The following MLLT10 variants were observed in gnomAD, a reference collection of about 807,000 sequenced individuals.
MLLT10 encodes the protein MLLT10 histone lysine methyltransferase DOT1L cofactor.
A neutral mutation model predicts 129.1 loss-of-function variants in MLLT10; 30 were observed. The observed-to-expected ratio is 0.23, with a 90% CI of 0.17 to 0.32. The LOEUF (loss-of-function observed/expected upper bound fraction) is 0.32. Among genes scored for constraint, MLLT10 ranks in the 10% least tolerant of loss-of-function variants. The pLI is 1.00. For synonymous variants in MLLT10, 490 were observed against 446.4 expected (o/e 1.10, Z -1.23); for missense variants, 1,119 against 1,268.3 (o/e 0.88, Z 1.79).
chr10:21,569,524 G>A (rs1289360063), intron 3 of MLLT10, among the ~76,000 whole-genome samples: 1 of 149,870 alleles, frequency 6.7e-6, no homozygotes, highest in East Asian at 2.0e-4. Flanking sequence ...GGGTTCAAGC[G>A]ATTCTCCTGC....
At chr10:21,612,655 T>C (rs897909254) in intron 6 of MLLT10, among the ~76,000 whole-genome samples, 16 of 152,236 alleles carry the variant, frequency 1.1e-4, no homozygotes, top group African/African-American at 3.6e-4. Context: ...AAGTGGACTC[T>C]GGTTCTGATG....
chr10:21,608,580 C>T (rs2131179946), intron 5 of MLLT10, among the ~76,000 whole-genome samples: 1 of 152,020 alleles, frequency 6.6e-6, no homozygotes, highest in South Asian at 2.1e-4. Context: ...TGGAAGTTTT[C>T]AGCACTAGAT....
At chr10:21,679,771 A>G (rs2052551402) in intron 11 of MLLT10, among the ~76,000 whole-genome samples, 2 of 152,192 alleles carry the variant, frequency 1.3e-5, no homozygotes, top group Admixed American at 6.5e-5. Flanking sequence ...TACTTGCATT[A>G]TATATACTTA....
At chr10:21,542,530 A>G (rs1009305208) in intron 3 of MLLT10, among the ~76,000 whole-genome samples, 1 of 152,234 alleles carries the variant, frequency 6.6e-6, no homozygotes, top group Non-Finnish European at 1.5e-5. Flanking sequence ...AGATCGTGCC[A>G]TTGCACTCCA....
At chr10:21,717,519 ACCT>A (rs1180960349) in intron 14 of MLLT10, among the ~76,000 whole-genome samples, 1,358 of 75,264 alleles carry the variant, frequency 0.018, 23 homozygotes, top group African/African-American at 0.055. Context: ...CTCCTCCACC[ACCT>A]CCTCCTCCTC....
At chr10:21,687,093 T>A (rs367741345) in intron 13 of MLLT10, among the ~76,000 whole-genome samples, 1 of 152,186 alleles carries the variant, frequency 6.6e-6, no homozygotes. Flanking sequence ...AAATTCCCTT[T>A]AATTATGATG....
At chr10:21,599,369 T>G (rs2043305342) in intron 5 of MLLT10, among the ~76,000 whole-genome samples, 1 of 151,992 alleles carries the variant, frequency 6.6e-6, no homozygotes, top group African/African-American at 2.4e-5. Context: ...AGCTGTGAGG[T>G]CACAATACTT....
chr10:21,558,500 C>G (rs2038362169), intron 3 of MLLT10, among the ~76,000 whole-genome samples: 1 of 151,390 alleles, frequency 6.6e-6, no homozygotes, highest in African/African-American at 2.4e-5. Context: ...GCTTTGGAGT[C>G]AGATGAACTA....
chr10:21,587,567 A>G (rs374938634), intron 4 of MLLT10, among the ~76,000 whole-genome samples: 1 of 151,746 alleles, frequency 6.6e-6, no homozygotes, highest in Non-Finnish European at 1.5e-5. Flanking sequence ...GCTCAGTACT[A>G]TTCTGAAATG....
At chr10:21,622,153 CTTTTTTTTTTTTT>C (rs71393915) in intron 8 of MLLT10, among the ~76,000 whole-genome samples, 1 of 99,816 alleles carries the variant, frequency 1.0e-5, no homozygotes, top group Non-Finnish European at 1.9e-5. Flanking sequence ...TTTGTTTTTC[CTTTTTTTTTTTTT>C]TTTTTTTTTG....
chr10:21,665,674 T>C (rs779675152), intron 9 of MLLT10, among the ~76,000 whole-genome samples: 5 of 152,172 alleles, frequency 3.3e-5, no homozygotes, highest in Non-Finnish European at 7.3e-5. Flanking sequence ...TTGGGGTGTT[T>C]AGAGAATTTA....
intron 8 of MLLT10, among the ~76,000 whole-genome samples, chr10:21,636,767 T>C (rs1372248544): frequency 6.6e-6 from 1 of 152,088 alleles, no homozygotes; most frequent in Non-Finnish European, 1.5e-5. Flanking sequence ...AGCTTTTTTT[T>C]TTAAACCCTG....
chr10:21,692,424 C>T (rs2053956849), intron 13 of MLLT10, among the ~76,000 whole-genome samples: 1 of 152,072 alleles, frequency 6.6e-6, no homozygotes, highest in South Asian at 2.1e-4. Flanking sequence ...CCCGCCTCAG[C>T]TTCCCAAATT....
intron 15 of MLLT10, 60 bp downstream of exon 15, chr10:21,726,415 C>A: frequency 1.7e-6 from 2 of 1,210,058 alleles, no homozygotes; most frequent in South Asian, 1.4e-5. Flanking sequence ...AATTTTTTTC[C>A]CCTTTTGGTT....
At chr10:21,620,487 G>A (rs73592593) in intron 8 of MLLT10, among the ~76,000 whole-genome samples, 1,881 of 152,186 alleles carry the variant, frequency 0.012, 38 homozygotes, top group African/African-American at 0.043. Context: ...ATTGTAAGTT[G>A]AAAGCACATT....
intron 8 of MLLT10, among the ~76,000 whole-genome samples, chr10:21,646,277 T>TAG (rs2048465116): frequency 6.6e-6 from 1 of 152,180 alleles, no homozygotes; most frequent in Non-Finnish European, 1.5e-5. Context: ...GGAAAGCAGT[T>TAG]CATTCTGGAA....
At chr10:21,534,907 C>T (rs984688347) in intron 2 of MLLT10, 103 bp downstream of exon 2, 2 of 839,264 alleles carry the variant, frequency 2.4e-6, no homozygotes, top group Non-Finnish European at 2.9e-6. Flanking sequence ...CGTGCCGCGG[C>T]CGCGGGAGGG....
intron 8 of MLLT10, among the ~76,000 whole-genome samples, chr10:21,623,960 T>C (rs1228734278): frequency 1.3e-5 from 2 of 152,148 alleles, no homozygotes; most frequent in Non-Finnish European, 2.9e-5. Flanking sequence ...TATTGAAATC[T>C]TACATGAACA....
rs556526831 is a variant in MLLT10, at chr10:21,703,159, C to T, written c.1700-10613C>T. Among the ~76,000 whole-genome samples the T allele has an allele frequency of 2.0e-4, 31 of 152,154 alleles. No homozygotes were observed. In the South Asian group the frequency reaches 6.0e-3, roughly 30 times the overall value. ...CTTTTGCTTCCAGGTTTAGAATTCC[C>T]TTGAGCATTTCGTGTAGGGTGGTCT... On this transcript the variant is annotated intron_variant, in intron 13 of 22. Transcript: ENST00000307729.
Sources: allele counts gnomAD v4.1 joint callset (sites outside exome capture counted in the v4.1 genomes callset), GRCh38; gene constraint gnomAD v4.1.1; transcripts MANE v1.5; gene names NCBI Gene and HGNC (gene_info 2026-07-23, HGNC 2026-07-21).